Variants in PCDH15 observed in about 807,000 individuals in gnomAD.
The protein encoded by PCDH15 is protocadherin related 15.
Under a neutral mutation model 178.5 loss-of-function variants are expected in PCDH15, and 129 were observed. That is an observed-to-expected ratio of 0.72 (90% CI 0.63 to 0.84). The LOEUF (loss-of-function observed/expected upper bound fraction) is 0.84, where lower values mean the gene tolerates loss of function less well. PCDH15 is among the 40% of genes least tolerant of loss of function. The probability of loss-of-function intolerance (pLI) is 0.00; values close to 1 mark genes in which losing one functional copy is unlikely to be tolerated. For missense variants in PCDH15, 2,230 were observed against 2,099.9 expected, an observed-to-expected ratio of 1.06 and a Z score of -1.21; for synonymous variants, 800 against 732.0, an observed-to-expected ratio of 1.09 and a Z score of -1.50.
chr10:54,274,786 A>C (rs906180323), intron 8 of PCDH15, among the ~76,000 whole-genome samples: 1 of 151,982 alleles, frequency 6.6e-6, no homozygotes, highest in Non-Finnish European at 1.5e-5. Context: ...TCAATAATGC[A>C]GAAGCCTTCA....
intron 3 of PCDH15, among the ~76,000 whole-genome samples, chr10:54,811,272 A>C (rs1646829674): frequency 1.3e-5 from 2 of 152,054 alleles, no homozygotes; most frequent in Non-Finnish European, 2.9e-5. Flanking sequence ...TCCTGAGAAA[A>C]ATTTATGGAG....
intron 2 of PCDH15, among the ~76,000 whole-genome samples, chr10:55,571,071 G>C (rs1842399906): frequency 1.3e-5 from 2 of 152,080 alleles, no homozygotes; most frequent in Non-Finnish European, 2.9e-5. Context: ...CCTGTTGGGA[G>C]GTGTTTGGAT....
At chr10:54,819,200 G>A (rs886796114) in intron 3 of PCDH15, among the ~76,000 whole-genome samples, 2 of 150,504 alleles carry the variant, frequency 1.3e-5, no homozygotes, top group Non-Finnish European at 2.9e-5. Context: ...GGACATGCAG[G>A]TCCCATATTA....
intron 3 of PCDH15, among the ~76,000 whole-genome samples, chr10:54,503,496 A>C (rs535790980): frequency 1.3e-5 from 2 of 148,416 alleles, no homozygotes; most frequent in East Asian, 3.9e-4. Context: ...AATAGGAACA[A>C]AAACAGAATA....
intron 18 of PCDH15, among the ~76,000 whole-genome samples, chr10:54,046,194 C>CCAAGCACATTCCA (rs2093652072): frequency 1.3e-5 from 2 of 152,180 alleles, no homozygotes; most frequent in Admixed American, 1.3e-4. Context: ...ACCAAGCACA[C>CCAAGCACATTCCA]AGACAGGAAC....
chr10:54,706,914 G>A (rs930568497), intron 1 of PCDH15, among the ~76,000 whole-genome samples: 5 of 152,228 alleles, frequency 3.3e-5, no homozygotes, highest in South Asian at 4.2e-4. Flanking sequence ...GAGCCATGGC[G>A]CCCAGCCAGA....
chr10:55,601,052 T>A (rs1426664267), intron 2 of PCDH15, among the ~76,000 whole-genome samples: 1 of 152,062 alleles, frequency 6.6e-6, no homozygotes, highest in Non-Finnish European at 1.5e-5. Flanking sequence ...GTTTCTTCAC[T>A]AAACCACATT....
intron 2 of PCDH15, among the ~76,000 whole-genome samples, chr10:54,591,628 C>A (rs757487964): frequency 1.3e-5 from 2 of 152,034 alleles, no homozygotes; most frequent in Non-Finnish European, 2.9e-5. Flanking sequence ...CAGTAGATAA[C>A]TAATACAGCT....
chr10:54,765,746 A>T (rs1225551265), intron 1 of PCDH15, among the ~76,000 whole-genome samples: 1 of 152,126 alleles, frequency 6.6e-6, no homozygotes, highest in African/African-American at 2.4e-5. Context: ...AGAAGTTCAG[A>T]TCTATTAAGA....
rs531024781 is a variant in PCDH15 at position 54,776,202 on chromosome 10, A to T, written c.-29+24723T>A. Among the ~76,000 whole-genome samples the T allele has an allele frequency of 3.7e-3, 557 of 152,276 alleles. 2 individuals are homozygous for T. The highest frequency in any genetic ancestry group is 0.013 in the African/African-American group (534 of 41,552). On this transcript the variant is annotated intron_variant, in intron 1 of 37. Coordinates refer to ENST00000644397, the MANE Select transcript of PCDH15 (RefSeq NM_001384140.1). Reference sequence around the variant, plus strand: ...TAGACATTTAGGTTGATTCCATACCATGACAATCACGAATAGTGCTGCAAT... The same window carrying T: ...TAGACATTTAGGTTGATTCCATACCTTGACAATCACGAATAGTGCTGCAAT...
intron 2 of PCDH15, among the ~76,000 whole-genome samples, chr10:54,962,144 GCCTGGGCAGCTCGTTGAGC>G (rs1838673129): frequency 1.3e-5 from 2 of 152,358 alleles, no homozygotes; most frequent in South Asian, 4.1e-4. Flanking sequence ...TGTAACACTT[GCCTGGGCAGCTCGTTGAGC>G]TGCAGGCAGT....
At chr10:55,411,401 C>T (rs1350729908) in intron 2 of PCDH15, among the ~76,000 whole-genome samples, 1 of 151,780 alleles carries the variant, frequency 6.6e-6, no homozygotes, top group Non-Finnish European at 1.5e-5. Flanking sequence ...TGTAATATAC[C>T]ATGTTTCTTT....
chr10:55,438,667 G>A (rs1839105593), intron 2 of PCDH15, among the ~76,000 whole-genome samples: 1 of 151,630 alleles, frequency 6.6e-6, no homozygotes, highest in African/African-American at 2.4e-5. Flanking sequence ...GGAATATTGA[G>A]TATAGAAAGA....
chr10:54,448,653 G>A (rs937101661), intron 3 of PCDH15, among the ~76,000 whole-genome samples: 1 of 151,582 alleles, frequency 6.6e-6, no homozygotes, highest in African/African-American at 2.4e-5. Context: ...AGAATTCATT[G>A]TTAAAGCTGT....
intron 1 of PCDH15, among the ~76,000 whole-genome samples, chr10:55,300,532 C>T (rs554311310): frequency 6.6e-5 from 10 of 152,130 alleles, no homozygotes; most frequent in African/African-American, 2.2e-4. Context: ...AGGAAACTCT[C>T]GTTAACAAAA....
intron 2 of PCDH15, among the ~76,000 whole-genome samples, chr10:55,397,344 C>T (rs1488942081): frequency 6.6e-6 from 1 of 152,120 alleles, no homozygotes; most frequent in African/African-American, 2.4e-5. Context: ...AAAGAGTTTC[C>T]GCTCTTAACA....
intron 3 of PCDH15, among the ~76,000 whole-genome samples, chr10:54,833,228 CATTATT>C (rs1192357283): frequency 6.6e-6 from 1 of 152,008 alleles, no homozygotes; most frequent in Non-Finnish European, 1.5e-5. Flanking sequence ...ATGATTGCAT[CATTATT>C]AAGGTGTAGA....
chr10:54,570,825 T>TTCC (rs369769036), intron 2 of PCDH15, among the ~76,000 whole-genome samples: 1 of 144,884 alleles, frequency 6.9e-6, no homozygotes, highest in Non-Finnish European at 1.5e-5. Flanking sequence ...CTATTTTTTT[T>TTCC]TTTCTTTTTT....
chr10:55,051,927 C>T (rs1225367514), intron 2 of PCDH15, among the ~76,000 whole-genome samples: 1 of 152,014 alleles, frequency 6.6e-6, no homozygotes, highest in Non-Finnish European at 1.5e-5. Flanking sequence ...AGACTATTGC[C>T]TCACTCAGCC....
Sources: gnomAD v4.1 joint callset for allele counts (sites outside exome capture counted in the v4.1 genomes callset) on GRCh38, gnomAD v4.1.1 for gene constraint, MANE v1.5 for transcripts, NCBI Gene and HGNC (gene_info 2026-07-23, HGNC 2026-07-21) for gene names.